SNX6: variants seen among roughly 807,000 people sequenced by gnomAD.
SNX6 encodes sorting nexin 6.
In SNX6, 34 loss-of-function variants were observed where a neutral mutation model predicts 63.0. The ratio of observed to expected loss-of-function variants is 0.54; its 90% CI spans 0.41 to 0.72. SNX6 has a LOEUF of 0.72. SNX6 is among the 30% of genes least tolerant of loss of function. The pLI, the probability that SNX6 is intolerant of heterozygous loss-of-function variation, is 0.00. For missense variants in SNX6, 398 were observed against 471.4 expected, an observed-to-expected ratio of 0.84 and a Z score of 1.44; for synonymous variants, 170 against 164.2, an observed-to-expected ratio of 1.04 and a Z score of -0.27.
At chr14:34,618,021 T>C (rs536507332) in intron 2 of SNX6, among the ~76,000 whole-genome samples, 1 of 152,178 alleles carries the variant, frequency 6.6e-6, no homozygotes, top group Admixed American at 6.5e-5. Context: ...ACGTCAGTTG[T>C]TCATATTTTG....
chr14:34,593,381 G>GT (rs1054484597), intron 7 of SNX6, among the ~76,000 whole-genome samples: 6 of 151,448 alleles, frequency 4.0e-5, no homozygotes, highest in African/African-American at 1.5e-4. Context: ...TCCCCATATA[G>GT]GTCCAAGTTC....
chr14:34,569,771 A>G (rs1018198198), intron 11 of SNX6, among the ~76,000 whole-genome samples: 1 of 152,222 alleles, frequency 6.6e-6, no homozygotes, highest in African/African-American at 2.4e-5. Flanking sequence ...CTGTATGGTT[A>G]TATCACATTA....
intron 9 of SNX6, among the ~76,000 whole-genome samples, chr14:34,585,148 A>G (rs1254594931): frequency 6.6e-6 from 1 of 152,134 alleles, no homozygotes; most frequent in African/African-American, 2.4e-5. Flanking sequence ...CACCATGCCC[A>G]GCCCTCAACC....
At chr14:34,582,245 C>T (rs974835601) in intron 9 of SNX6, among the ~76,000 whole-genome samples, 2 of 151,680 alleles carry the variant, frequency 1.3e-5, no homozygotes, top group African/African-American at 4.8e-5. Flanking sequence ...GAGTCTCCTG[C>T]CTCAGCCTCC....
At chr14:34,617,425 T>C (rs912327110) in intron 2 of SNX6, among the ~76,000 whole-genome samples, 2 of 152,012 alleles carry the variant, frequency 1.3e-5, no homozygotes, top group South Asian at 4.2e-4. Flanking sequence ...GGATCACTTG[T>C]GGTCAGGAGT....
chr14:34,619,079 A>G (rs1004399443), intron 2 of SNX6, among the ~76,000 whole-genome samples: 3 of 152,224 alleles, frequency 2.0e-5, no homozygotes, highest in African/African-American at 4.8e-5. Context: ...GGGCTACAAA[A>G]CTATTTTCAG....
chr14:34,569,012 G>T, intron 11 of SNX6: 1 of 1,463,554 alleles, frequency 6.8e-7, no homozygotes, highest in Non-Finnish European at 9.6e-7. Flanking sequence ...TGCTTGGCCA[G>T]CAGCTTGACG....
chr14:34,599,849 A>G (rs1318034453), intron 6 of SNX6, among the ~76,000 whole-genome samples: 3 of 151,844 alleles, frequency 2.0e-5, no homozygotes, highest in Non-Finnish European at 2.9e-5. Context: ...TCATCCAAAC[A>G]GTCTTTCTGA....
In SNX6 at chr14:34,630,098, G is replaced by C; in HGVS notation, c.6+13C>G. 1 of 1,447,462 alleles carries C rather than the reference G, an allele frequency of 6.9e-7. No homozygotes were observed. 89.7% of individuals were successfully genotyped at this position (1,447,462 alleles called of 1,614,324 possible). ...CCGCGCTCCCGGGACTCGGCGCCGC[G>C]GAGAACACCCACCATCATGGCTGCT... On this transcript the variant is annotated intron_variant, in intron 1 of 13. Coordinates refer to ENST00000362031, the MANE Select transcript of SNX6 (RefSeq NM_152233.4).
chr14:34,567,816 A>G lies in SNX6; in HGVS notation c.1081+38T>C, dbSNP rs754495132. The G allele has an allele frequency of 1.9e-6, 3 of 1,612,726 alleles. No individual in the cohort carries two copies. The South Asian group carries it at 3.3e-5, about 18-fold the overall frequency. ...ATTATTTAATTTACATAATAGTCAT[A>G]AAGCATATCTTGTGATTAAAGGTTA... On this transcript the variant is annotated intron_variant, in intron 12 of 13. Coordinates refer to ENST00000362031, the MANE Select transcript of SNX6 (RefSeq NM_152233.4).
chr14:34,627,983 T>C (rs978087197), intron 2 of SNX6, among the ~76,000 whole-genome samples: 2 of 152,230 alleles, frequency 1.3e-5, no homozygotes, highest in African/African-American at 4.8e-5. Context: ...AACCTGAAAT[T>C]CTAAATAATG....
At chr14:34,626,514 A>G (rs1883830470) in intron 2 of SNX6, among the ~76,000 whole-genome samples, 1 of 151,690 alleles carries the variant, frequency 6.6e-6, no homozygotes, top group African/African-American at 2.4e-5. Flanking sequence ...AATGCAAAAA[A>G]TTAGCCGGGC....
chr14:34,583,848 GGC>G (rs915340269), intron 9 of SNX6, among the ~76,000 whole-genome samples: 1 of 65,072 alleles, frequency 1.5e-5, no homozygotes, highest in Non-Finnish European at 3.1e-5. Flanking sequence ...TTGGGAAGGT[GGC>G]TTTTTTTTTT....
intron 5 of SNX6, among the ~76,000 whole-genome samples, chr14:34,603,681 T>C (rs1465979446): frequency 6.6e-6 from 1 of 152,156 alleles, no homozygotes; most frequent in African/African-American, 2.4e-5. Context: ...GTTAATAATA[T>C]TTATATCTAA....
At chr14:34,581,294 T>C (rs896792443) in intron 10 of SNX6, among the ~76,000 whole-genome samples, 2 of 152,106 alleles carry the variant, frequency 1.3e-5, no homozygotes, top group East Asian at 1.9e-4. Flanking sequence ...GCTGGGACTA[T>C]AGGCATGCGT....
At chr14:34,620,950 T>A (rs967387504) in intron 2 of SNX6, among the ~76,000 whole-genome samples, 33 of 151,542 alleles carry the variant, frequency 2.2e-4, no homozygotes, top group African/African-American at 6.3e-4. Flanking sequence ...AAAAAAAAAA[T>A]AAAAAATAAA....
At chr14:34,571,602 T>C (rs1385012372) in intron 11 of SNX6, among the ~76,000 whole-genome samples, 5 of 152,236 alleles carry the variant, frequency 3.3e-5, no homozygotes, top group South Asian at 2.1e-4. Context: ...CTGCCAGGGA[T>C]TGGGAGAAAG....
At chr14:34,567,416 A>G (rs1309603070) in intron 13 of SNX6, among the ~76,000 whole-genome samples, 2 of 152,158 alleles carry the variant, frequency 1.3e-5, no homozygotes, top group African/African-American at 4.8e-5. Flanking sequence ...GAACCCGGGA[A>G]GCAGAGGTTG....
intron 2 of SNX6, among the ~76,000 whole-genome samples, chr14:34,610,110 G>GA (rs1397722881): frequency 6.6e-6 from 1 of 151,482 alleles, no homozygotes; most frequent in Non-Finnish European, 1.5e-5. Flanking sequence ...TTAGGAGGCT[G>GA]AAGCGGGAGG....
Sources: allele counts gnomAD v4.1 joint callset (sites outside exome capture counted in the v4.1 genomes callset), GRCh38; gene constraint gnomAD v4.1.1; transcripts MANE v1.5; gene names NCBI Gene and HGNC (gene_info 2026-07-23, HGNC 2026-07-21).